The following LPP variants were observed in gnomAD, a reference collection of about 807,000 sequenced individuals.
The protein encoded by LPP is lipoma-preferred partner.
In LPP, 38 loss-of-function variants were observed where a neutral mutation model predicts 60.4. The observed-to-expected ratio is 0.63, with a 90% CI of 0.49 to 0.83. LPP has a LOEUF of 0.83. Ranked by LOEUF, LPP falls within the 40% of genes least tolerant of loss-of-function variation. LPP has a pLI of 0.00. For synonymous variants in LPP, 328 were observed against 290.8 expected (o/e 1.13, Z -1.30); for missense variants, 902 against 783.6 (o/e 1.15, Z -1.80).
chr3:188,709,028 G>A (rs974934122), intron 8 of LPP: 3 of 152,036 alleles, frequency 2.0e-5, no homozygotes, highest in Non-Finnish European at 4.4e-5. Flanking sequence ...ATTGGATATT[G>A]TCTGATATCC....
intron 8 of LPP, among the ~76,000 whole-genome samples, chr3:188,744,988 C>T (rs1725672150): frequency 1.3e-5 from 2 of 152,012 alleles, no homozygotes; most frequent in African/African-American, 2.4e-5. Context: ...TGCTTTCCCC[C>T]TTCCTGCTTT....
chr3:188,795,832 T>A (rs1414215023), intron 9 of LPP, among the ~76,000 whole-genome samples: 1 of 152,218 alleles, frequency 6.6e-6, no homozygotes, highest in Non-Finnish European at 1.5e-5. Context: ...AATATGTATT[T>A]TATTCCTATA....
intron 9 of LPP, among the ~76,000 whole-genome samples, chr3:188,788,634 G>A (rs770913824): frequency 2.6e-5 from 4 of 152,144 alleles, no homozygotes; most frequent in Non-Finnish European, 4.4e-5. Context: ...AGTAAGCACC[G>A]AGTAAGTGTT....
At chr3:188,634,625 A>T (rs1848397052) in intron 7 of LPP, among the ~76,000 whole-genome samples, 1 of 152,188 alleles carries the variant, frequency 6.6e-6, no homozygotes, top group South Asian at 2.1e-4. Flanking sequence ...TTGGATTCTC[A>T]TAGGAGCGTG....
At position 188,888,502 on chromosome 3, in the gene LPP, C is replaced by T. The variant is rs1243544714; in HGVS notation, c.*14023C>T. ...AATATAGCCATTTGCCGACTCCGGC[C>T]TCTTTGCGAGACTGACTCAAATCTG... On this transcript the variant is annotated 3_prime_UTR_variant, in exon 12 of 12. Coordinates refer to ENST00000617246, the MANE Select transcript of LPP (RefSeq NM_001375462.1). 4.4e-6 allele frequency: 1 copy of T among 228,094 alleles called. No individual in the cohort carries two copies. Among genetic ancestry groups the T allele is most frequent in the Non-Finnish European group, 8.7e-6 (1 of 114,384 alleles). 14.1% of individuals were successfully genotyped at this position (228,094 alleles called of 1,614,324 possible). A position where few individuals can be genotyped will look rare whatever the true frequency, so the allele number is the denominator to read the frequency against.
intron 7 of LPP, among the ~76,000 whole-genome samples, chr3:188,628,506 GA>G (rs1560668348): frequency 6.6e-6 from 1 of 151,908 alleles, no homozygotes. Context: ...TAGAAGAAAT[GA>G]ATAAATTCCT....
intron 9 of LPP, among the ~76,000 whole-genome samples, chr3:188,854,040 G>GTGTT (rs891492347): frequency 6.6e-5 from 10 of 152,134 alleles, no homozygotes; most frequent in African/African-American, 2.4e-4. Flanking sequence ...ATCCAGGAAA[G>GTGTT]TGTTAGTTCA....
At chr3:188,327,678 C>T (rs1371883635) in intron 2 of LPP, among the ~76,000 whole-genome samples, 1 of 151,960 alleles carries the variant, frequency 6.6e-6, no homozygotes, top group East Asian at 1.9e-4. Flanking sequence ...TCCAGAGGCT[C>T]AAGAAAGTAG....
intron 7 of LPP, among the ~76,000 whole-genome samples, chr3:188,690,717 T>TA (rs1206112905): frequency 3.3e-5 from 5 of 152,156 alleles, no homozygotes; most frequent in Non-Finnish European, 7.4e-5. Context: ...CTTCTTCTTT[T>TA]AGGGGTAGTT....
At chr3:188,310,261 C>A (rs1160906650) in intron 2 of LPP, among the ~76,000 whole-genome samples, 1 of 147,632 alleles carries the variant, frequency 6.8e-6, no homozygotes, top group Non-Finnish European at 1.5e-5. Flanking sequence ...ACGAAGTTGG[C>A]CTTTTGGGAT....
intron 9 of LPP, among the ~76,000 whole-genome samples, chr3:188,830,199 T>A (rs1490425268): frequency 6.6e-6 from 1 of 151,680 alleles, no homozygotes; most frequent in Non-Finnish European, 1.5e-5. Flanking sequence ...ATCTTTAGAA[T>A]TTCCAAGCAT....
At chr3:188,694,343 A>G (rs924593900) in intron 7 of LPP, among the ~76,000 whole-genome samples, 2 of 152,174 alleles carry the variant, frequency 1.3e-5, no homozygotes, top group African/African-American at 4.8e-5. Flanking sequence ...TCTAGCTTAT[A>G]TCTCAGATTG....
At chr3:188,635,383 A>C (rs944722907) in intron 7 of LPP, among the ~76,000 whole-genome samples, 1 of 152,194 alleles carries the variant, frequency 6.6e-6, no homozygotes, top group Non-Finnish European at 1.5e-5. Flanking sequence ...GTGGGGCATA[A>C]ATCTCACGAG....
intron 5 of LPP, among the ~76,000 whole-genome samples, chr3:188,513,364 C>T (rs1203585917): frequency 2.0e-5 from 3 of 152,098 alleles, no homozygotes; most frequent in Non-Finnish European, 1.5e-5. Flanking sequence ...GGAAATATTA[C>T]TAAAGGAGAT....
intron 6 of LPP, among the ~76,000 whole-genome samples, chr3:188,528,370 A>G (rs1166573888): frequency 6.6e-6 from 1 of 151,178 alleles, no homozygotes; most frequent in African/African-American, 2.4e-5. Flanking sequence ...GCTTTCATTT[A>G]AATCTTTTTT....
intron 3 of LPP, among the ~76,000 whole-genome samples, chr3:188,357,141 A>T (rs1767847899): frequency 6.6e-6 from 1 of 152,258 alleles, no homozygotes. Flanking sequence ...CAAGGTAGAG[A>T]CTATAAGAAG....
chr3:188,668,400 T>G (rs1856260472), intron 7 of LPP, among the ~76,000 whole-genome samples: 1 of 152,210 alleles, frequency 6.6e-6, no homozygotes, highest in South Asian at 2.1e-4. Context: ...ACACCATAAC[T>G]AAGTTCTAAA....
At chr3:188,386,512 G>A (rs1184809280) in intron 3 of LPP, among the ~76,000 whole-genome samples, 2 of 152,164 alleles carry the variant, frequency 1.3e-5, no homozygotes, top group Non-Finnish European at 2.9e-5. Context: ...TATCCATTGT[G>A]TATGCAGGTA....
At chr3:188,856,859 G>T (rs1381316483) in intron 9 of LPP, among the ~76,000 whole-genome samples, 1 of 152,140 alleles carries the variant, frequency 6.6e-6, no homozygotes, top group African/African-American at 2.4e-5. Flanking sequence ...TAGCCAGAAG[G>T]CCCCCATATT....
Sources: gnomAD v4.1 joint callset for allele counts (sites outside exome capture counted in the v4.1 genomes callset) on GRCh38, gnomAD v4.1.1 for gene constraint, MANE v1.5 for transcripts, NCBI Gene and HGNC (gene_info 2026-07-23, HGNC 2026-07-21) for gene names.